KCNA6: variants seen among roughly 807,000 people sequenced by gnomAD.
KCNA6 encodes the protein potassium voltage-gated channel subfamily A member 6, also known as human brain potassium channel-2.
KCNA6 carries 17 observed loss-of-function variants against 29.5 expected under a neutral mutation model. The observed-to-expected ratio is 0.58, with a 90% CI of 0.39 to 0.86. KCNA6 has a LOEUF of 0.86. Ranked by LOEUF, KCNA6 falls within the 40% of genes least tolerant of loss-of-function variation. The pLI is 0.00. For missense variants in KCNA6, 450 were observed against 703.4 expected (o/e 0.64, Z 4.07); for synonymous variants, 296 against 304.7 (o/e 0.97, Z 0.30).
At chr12:4,818,048 C>T (rs1296494715), downstream of KCNA6, among the ~76,000 whole-genome samples, 1 of 152,134 alleles carries the variant, frequency 6.6e-6, no homozygotes, top group Non-Finnish European at 1.5e-5. Context: ...GACAAACCTG[C>T]TCTTGGCAGC....
chr12:4,824,830 G>GTA, the KCNA6 span, among the ~76,000 whole-genome samples: 1 of 152,232 alleles, frequency 6.6e-6, no homozygotes, highest in South Asian at 2.1e-4. Flanking sequence ...TACAGAGGAT[G>GTA]TATTGGCTTT....
the KCNA6 span, among the ~76,000 whole-genome samples, chr12:4,850,019 A>G: frequency 6.6e-6 from 1 of 152,212 alleles, no homozygotes; most frequent in South Asian, 2.1e-4. The surrounding 1 kb of genome is among the most constrained non-coding windows in gnomAD (Gnocchi z 5.4). Context: ...GGCGGATGTT[A>G]AACACAGGAC....
At chr12:4,814,935 C>T (rs887973158), downstream of KCNA6, among the ~76,000 whole-genome samples, 3 of 152,122 alleles carry the variant, frequency 2.0e-5, no homozygotes, top group Non-Finnish European at 4.4e-5. This position sits in a 1 kb window ranked among gnomAD's most constrained non-coding sequence, Gnocchi z 4.6. Flanking sequence ...CTCGCTTTTT[C>T]TGTGTATTTT....
the KCNA6 span, among the ~76,000 whole-genome samples, chr12:4,842,918 C>T: frequency 9.1e-3 from 1,385 of 151,986 alleles, 20 homozygotes; most frequent in African/African-American, 0.031. Context: ...AACTTGTGTC[C>T]GTGGCCAGGT....
chr12:4,811,804 C>T lies in KCNA6; in HGVS notation c.*173C>T. 2 of 720,866 alleles carry T rather than the reference C, an allele frequency of 2.8e-6. No individual in the cohort carries two copies. The highest frequency in any genetic ancestry group is 4.6e-6 in the Non-Finnish European group (2 of 435,966). The allele number at this position is 720,866 out of a possible 1,614,324, so 44.7% of individuals were successfully genotyped here. ...GACTATCAACCTTGTTGCTTAATCC[C>T]TGCAGCATTCAAGGTTAATCCATCT... On this transcript the variant is annotated 3_prime_UTR_variant, in exon 1 of 1. Coordinates refer to ENST00000280684, the Ensembl canonical transcript of KCNA6. This position sits in a 1 kb window ranked among gnomAD's most constrained non-coding sequence, Gnocchi z 7.1.
chr12:4,850,197 T>G, the KCNA6 span, among the ~76,000 whole-genome samples: 1 of 152,082 alleles, frequency 6.6e-6, no homozygotes, highest in Non-Finnish European at 1.5e-5. The surrounding 1 kb of genome is among the most constrained non-coding windows in gnomAD (Gnocchi z 5.4). Context: ...TCGAGAACAT[T>G]CCGGCATGGT....
At chr12:4,836,635 G>A in the KCNA6 span, among the ~76,000 whole-genome samples, 48 of 152,286 alleles carry the variant, frequency 3.2e-4, no homozygotes, top group East Asian at 1.9e-3. Flanking sequence ...TCAAGATTGC[G>A]AAGAGTCATG....
the KCNA6 span, among the ~76,000 whole-genome samples, chr12:4,840,848 A>C: frequency 6.6e-6 from 1 of 152,166 alleles, no homozygotes; most frequent in African/African-American, 2.4e-5. Flanking sequence ...GGGTGTTTTT[A>C]AAGTGCACAC....
At chr12:4,835,945 T>G in the KCNA6 span, among the ~76,000 whole-genome samples, 69,058 of 146,690 alleles carry the variant, frequency 0.47, 16,659 homozygotes, top group Middle Eastern at 0.53. Flanking sequence ...TTTTTTTTTT[T>G]TTTTTTTTTT....
At chr12:4,841,653 G>A in the KCNA6 span, among the ~76,000 whole-genome samples, 4 of 152,070 alleles carry the variant, frequency 2.6e-5, no homozygotes, top group Admixed American at 6.5e-5. Context: ...TTAGCTTGCC[G>A]GCATAGAAAC....
chr12:4,819,830 A>T, the KCNA6 span, among the ~76,000 whole-genome samples: 1 of 152,148 alleles, frequency 6.6e-6, no homozygotes, highest in Non-Finnish European at 1.5e-5. Flanking sequence ...ATTTAACCTC[A>T]CCGAGCTTCA....
At chr12:4,817,753 T>C (rs1042608062), downstream of KCNA6, among the ~76,000 whole-genome samples, 4 of 152,220 alleles carry the variant, frequency 2.6e-5, no homozygotes, top group African/African-American at 9.7e-5. Context: ...ATTACAATTT[T>C]TTTTTTAATC....
the KCNA6 span, among the ~76,000 whole-genome samples, chr12:4,825,618 T>TA: frequency 6.6e-6 from 1 of 152,250 alleles, no homozygotes; most frequent in African/African-American, 2.4e-5. Context: ...TCAACCTTCT[T>TA]AAAGTTCTTC....
the KCNA6 span, among the ~76,000 whole-genome samples, chr12:4,832,480 C>T: frequency 0.16 from 23,626 of 152,040 alleles, 1,916 homozygotes; most frequent in Non-Finnish European, 0.17. Flanking sequence ...TGAGACAATA[C>T]GCTTTTTGAT....
chr12:4,831,140 G>T, the KCNA6 span, among the ~76,000 whole-genome samples: 1 of 152,216 alleles, frequency 6.6e-6, no homozygotes, highest in Non-Finnish European at 1.5e-5. Flanking sequence ...TTCCTGCCAG[G>T]TGAGAGGATT....
chr12:4,820,546 AAC>A, the KCNA6 span, among the ~76,000 whole-genome samples: 10,280 of 134,566 alleles, frequency 0.076, 389 homozygotes, highest in African/African-American at 0.12. Flanking sequence ...GGATTACCTA[AAC>A]ACACACACAC....
chr12:4,844,253 A>G, the KCNA6 span, among the ~76,000 whole-genome samples: 1 of 152,234 alleles, frequency 6.6e-6, no homozygotes, highest in Non-Finnish European at 1.5e-5. This position sits in a 1 kb window ranked among gnomAD's most constrained non-coding sequence, Gnocchi z 4.0. Context: ...CAGTAGGGAG[A>G]ATAAGCAAAT....
At chr12:4,850,771 T>A in the KCNA6 span, 2 of 453,326 alleles carry the variant, frequency 4.4e-6, no homozygotes, top group African/African-American at 2.0e-5. The surrounding 1 kb of genome is among the most constrained non-coding windows in gnomAD (Gnocchi z 5.4). Flanking sequence ...AGCAAGGACA[T>A]CTATGCATAG....
the KCNA6 span, among the ~76,000 whole-genome samples, chr12:4,826,856 C>G: frequency 6.6e-6 from 1 of 152,170 alleles, no homozygotes; most frequent in African/African-American, 2.4e-5. Flanking sequence ...CTCATATACT[C>G]CAGTCTATTA....
Sources: allele counts gnomAD v4.1 joint callset (sites outside exome capture counted in the v4.1 genomes callset), GRCh38; gene constraint gnomAD v4.1.1; non-coding constraint Gnocchi (gnomAD v3.1); transcripts MANE v1.5; gene names NCBI Gene and HGNC (gene_info 2026-07-23, HGNC 2026-07-21).